Variants in PCDHA10 observed in about 807,000 individuals in gnomAD.
PCDHA10 encodes the protein protocadherin alpha-10.
Under a neutral mutation model 61.2 loss-of-function variants are expected in PCDHA10, and 45 were observed. The ratio of observed to expected loss-of-function variants is 0.74; its 90% confidence interval spans 0.58 to 0.94. The LOEUF (loss-of-function observed/expected upper bound fraction) is 0.94, where lower values mean the gene tolerates loss of function less well. Among genes scored for constraint, PCDHA10 ranks in the 40% least tolerant of loss-of-function variants. PCDHA10 has a pLI of 0.00. For missense variants in PCDHA10, 1,278 were observed against 1,236.2 expected (o/e 1.03, Z -0.51); for synonymous variants, 602 against 548.8 (o/e 1.10, Z -1.35).
At chr5:140,996,087 G>C (rs1178912945) in intron 3 of PCDHA10, among the ~76,000 whole-genome samples, 3 of 152,200 alleles carry the variant, frequency 2.0e-5, no homozygotes, top group Non-Finnish European at 4.4e-5. Flanking sequence ...GTTTTTGCTA[G>C]ATTACATGGA....
At position 140,856,016 on chromosome 5, in the gene PCDHA10, A is replaced by G. The variant is rs2043730978; in HGVS notation, c.-33A>G. 2 of 1,550,936 alleles carry G rather than the reference A, an allele frequency of 1.3e-6. No individual in the cohort carries two copies. The highest frequency in any genetic ancestry group is 2.3e-5 in the East Asian group (1 of 44,412). On this transcript the variant is annotated 5_prime_UTR_variant, in exon 1 of 4. An upstream open reading frame in the 5' UTR loses its in-frame stop. Coordinates refer to ENST00000307360, the MANE Select transcript of PCDHA10 (RefSeq NM_018901.4). Reference sequence around the variant, plus strand: ...ATCGTATGTGCGTTCTAGACCGCTGATTCGTCGATTTGTAAAACAAGAGAA... The same window carrying G: ...ATCGTATGTGCGTTCTAGACCGCTGGTTCGTCGATTTGTAAAACAAGAGAA...
chr5:140,951,149 T>C (rs911841540), intron 1 of PCDHA10, among the ~76,000 whole-genome samples: 8 of 100,620 alleles, frequency 8.0e-5, no homozygotes, highest in African/African-American at 3.8e-4. Context: ...TCTTATTGAA[T>C]ATAGTTATAG....
At chr5:140,890,747 G>C (rs2062780711) in intron 1 of PCDHA10, among the ~76,000 whole-genome samples, 1 of 152,024 alleles carries the variant, frequency 6.6e-6, no homozygotes, top group African/African-American at 2.4e-5. Context: ...TACTATTTCT[G>C]TCATGCTTTA....
intron 1 of PCDHA10, among the ~76,000 whole-genome samples, chr5:140,933,321 C>T (rs1266539168): frequency 2.6e-5 from 4 of 151,928 alleles, no homozygotes; most frequent in Non-Finnish European, 5.9e-5. Context: ...CTCGTATTCT[C>T]CTGTGCTGTA....
At chr5:140,871,301 C>G in intron 1 of PCDHA10, 4 of 1,613,916 alleles carry the variant, frequency 2.5e-6, no homozygotes, top group Middle Eastern at 1.7e-4. Flanking sequence ...GCGTGCGCGC[C>G]GGGGAAGCCC....
chr5:140,988,574 T>C (rs538316418), intron 3 of PCDHA10, among the ~76,000 whole-genome samples: 1 of 152,342 alleles, frequency 6.6e-6, no homozygotes, highest in East Asian at 1.9e-4. Context: ...GAAAACACTC[T>C]GTACCTTCCA....
At chr5:140,863,975 T>G (rs1429361559) in intron 1 of PCDHA10, 2 of 153,508 alleles carry the variant, frequency 1.3e-5, no homozygotes, top group Non-Finnish European at 2.9e-5. Context: ...CACTACAGCC[T>G]GGGAGACAGG....
At chr5:140,863,452 G>A in intron 1 of PCDHA10, 4 of 561,032 alleles carry the variant, frequency 7.1e-6, no homozygotes, top group South Asian at 2.9e-5. Flanking sequence ...TCGCAGCAAA[G>A]GAGATTTTAC....
At chr5:140,884,656 G>GA (rs1317691755) in intron 1 of PCDHA10, 2 of 1,602,060 alleles carry the variant, frequency 1.2e-6, no homozygotes, top group Non-Finnish European at 1.7e-6. Flanking sequence ...CAGAATGCTT[G>GA]AAAGAGGTAA....
At chr5:140,927,318 C>T (rs149532133) in intron 1 of PCDHA10, 18,448 of 1,614,194 alleles carry the variant, frequency 0.011, 218 homozygotes, top group South Asian at 0.039. Flanking sequence ...CCGGAGCCCG[C>T]TTTACTCTCC....
chr5:140,861,571 A>C, intron 1 of PCDHA10: 1 of 372,012 alleles, frequency 2.7e-6, no homozygotes, highest in Non-Finnish European at 5.6e-6. Context: ...AAGCTGCTAC[A>C]GGTTTTCCAT....
chr5:140,888,597 C>A (rs1474772423), intron 1 of PCDHA10, among the ~76,000 whole-genome samples: 3 of 152,216 alleles, frequency 2.0e-5, no homozygotes, highest in African/African-American at 7.2e-5. Flanking sequence ...ACATTCAGAG[C>A]AGCTTTTAGT....
chr5:140,954,724 C>T (rs2095079319), intron 1 of PCDHA10, among the ~76,000 whole-genome samples: 1 of 152,196 alleles, frequency 6.6e-6, no homozygotes, highest in Admixed American at 6.5e-5. Context: ...TGTAGGTTGT[C>T]TTTTCACTCT....
At chr5:140,973,324 C>T (rs1261856526) in intron 1 of PCDHA10, among the ~76,000 whole-genome samples, 4 of 152,174 alleles carry the variant, frequency 2.6e-5, no homozygotes, top group Admixed American at 1.3e-4. Context: ...ACAGAGTTTA[C>T]ACTCGTTGTA....
chr5:140,906,180 C>T (rs1457176453), intron 1 of PCDHA10, among the ~76,000 whole-genome samples: 1 of 152,132 alleles, frequency 6.6e-6, no homozygotes, highest in Non-Finnish European at 1.5e-5. Flanking sequence ...ACTTTGCATC[C>T]TTCAATCCAA....
At chr5:140,903,329 G>A (rs2070195936) in intron 1 of PCDHA10, among the ~76,000 whole-genome samples, 1 of 152,160 alleles carries the variant, frequency 6.6e-6, no homozygotes, top group Non-Finnish European at 1.5e-5. Context: ...TTTTATTGAG[G>A]AAAGGATGCA....
intron 3 of PCDHA10, among the ~76,000 whole-genome samples, chr5:140,986,569 T>C (rs1006962446): frequency 7.2e-5 from 11 of 152,296 alleles, no homozygotes; most frequent in East Asian, 3.9e-4. Context: ...TTATCTGTTA[T>C]TGGTTTTTCC....
intron 1 of PCDHA10, chr5:140,967,870 G>C (rs782622860): frequency 1.2e-6 from 2 of 1,614,152 alleles, no homozygotes; most frequent in Admixed American, 3.3e-5. Context: ...TGGTGCTCAC[G>C]GACCTGTATA....
Position 140,876,461 on chromosome 5 carries a change from T to C in PCDHA10, c.2388+18025T>C, listed in dbSNP as rs782233071. 28 of 1,613,936 alleles carry C rather than the reference T, an allele frequency of 1.7e-5. No homozygotes were observed. In the East Asian group the frequency reaches 5.8e-4, roughly 33 times the overall value. ...GCCATTGATAAAGGGATTCCTTCCA[T>C]GGCAGGTCACAGCATGGTCCTGGTG... On this transcript the variant is annotated intron_variant, in intron 1 of 3. Coordinates refer to ENST00000307360, the MANE Select transcript of PCDHA10 (RefSeq NM_018901.4).
Sources: allele counts gnomAD v4.1 joint callset (sites outside exome capture counted in the v4.1 genomes callset), GRCh38; gene constraint gnomAD v4.1.1; transcripts MANE v1.5; gene names NCBI Gene and HGNC (gene_info 2026-07-23, HGNC 2026-07-21).